The following ACTN1 variants were observed in gnomAD, a reference collection of about 807,000 sequenced individuals.
ACTN1 encodes alpha-actinin-1.
In ACTN1, 30 loss-of-function variants were observed where a neutral mutation model predicts 119.6. That is an observed-to-expected ratio of 0.25 (90% CI 0.19 to 0.34). The LOEUF is 0.34. Among genes scored for constraint, ACTN1 ranks in the 10% least tolerant of loss-of-function variants. The pLI is 1.00. For missense variants in ACTN1, 764 were observed against 1,223.4 expected, an observed-to-expected ratio of 0.62 and a Z score of 5.60; for synonymous variants, 429 against 472.6, an observed-to-expected ratio of 0.91 and a Z score of 1.20.
intron 3 of ACTN1, among the ~76,000 whole-genome samples, chr14:68,917,293 G>A (rs950110862): frequency 2.9e-4 from 44 of 152,114 alleles, no homozygotes; most frequent in African/African-American, 8.7e-4. Flanking sequence ...CCAGAGCCCC[G>A]GCTCCATTTC....
chr14:68,902,740 G>C (rs955517295), intron 7 of ACTN1, among the ~76,000 whole-genome samples, 178 bp from the exon 8 acceptor site: 2 of 152,168 alleles, frequency 1.3e-5, no homozygotes, highest in Admixed American at 1.3e-4. Context: ...AGGAACAGGT[G>C]AAATGAAGCC....
intron 1 of ACTN1, among the ~76,000 whole-genome samples, chr14:68,944,546 C>T (rs2035868452): frequency 6.6e-6 from 1 of 152,134 alleles, no homozygotes; most frequent in African/African-American, 2.4e-5. Context: ...ATGGAGAAGA[C>T]AAACAATAAG....
intron 1 of ACTN1, among the ~76,000 whole-genome samples, chr14:68,951,968 C>T (rs1192060519): frequency 1.3e-5 from 2 of 152,242 alleles, no homozygotes; most frequent in Admixed American, 6.5e-5. Context: ...AGATCTTTCA[C>T]CCTACTCCCT....
At chr14:68,943,479 C>T (rs1434485740) in intron 1 of ACTN1, among the ~76,000 whole-genome samples, 2 of 152,132 alleles carry the variant, frequency 1.3e-5, no homozygotes, top group African/African-American at 4.8e-5. Context: ...CTAGGCTTCA[C>T]TTCAGACACT....
At chr14:68,900,462 C>T (rs1015483747) in intron 8 of ACTN1, among the ~76,000 whole-genome samples, 1 of 151,502 alleles carries the variant, frequency 6.6e-6, no homozygotes, top group African/African-American at 2.4e-5. Flanking sequence ...GCTAAATTTG[C>T]GAGGGTGGCC....
At chr14:68,938,313 T>C (rs1372305055) in intron 1 of ACTN1, among the ~76,000 whole-genome samples, 1 of 152,120 alleles carries the variant, frequency 6.6e-6, no homozygotes, top group African/African-American at 2.4e-5. Flanking sequence ...CCCCAGGACA[T>C]GTGAGTGCTG....
Position 68,888,925 on chromosome 14 carries a change from G to A in ACTN1, c.1234+1214C>T, listed in dbSNP as rs569198713. Among the ~76,000 whole-genome samples the A allele has an allele frequency of 5.3e-5, 8 of 152,270 alleles. No homozygotes were observed. The East Asian group carries it at 9.6e-4, about 18-fold the overall frequency. ...CCCGGTACCAACAAGGCTGGGGACC[G>A]CTGCCCTACACCAAGCCAAGCCACT... On this transcript the variant is annotated intron_variant, in intron 11 of 21. Transcript: ENST00000394419.
At chr14:68,902,028 G>C (rs1007520873) in intron 8 of ACTN1, among the ~76,000 whole-genome samples, 2 of 152,248 alleles carry the variant, frequency 1.3e-5, no homozygotes, top group Non-Finnish European at 2.9e-5. Flanking sequence ...GGGGCTTTAT[G>C]ATGCCTTTGC....
In ACTN1 at chr14:68,885,480, G is replaced by A. The variant is rs377124389; in HGVS notation, c.1330C>T (p.Leu444=). 1.2e-6 allele frequency: 2 copies of A among 1,613,986 alleles called. No individual in the cohort carries two copies. The highest frequency in any genetic ancestry group is 2.7e-5 in the African/African-American group (2 of 74,926). ...LKKHEAFESD[L]AAHQDRVEQI... is the part of the protein sequence containing the mutation. ...TCCACACGGTCCTGGTGGGCAGCCAGGTCACTCTCGAAGGCCTCATGCTTC... is the reference window on the plus strand; with the variant it reads ...TCCACACGGTCCTGGTGGGCAGCCAAGTCACTCTCGAAGGCCTCATGCTTC... Residue 444 remains leucine, a synonymous_variant, in exon 12 of 22, where the codon CTG becomes TTG. Transcript: ENST00000394419. This position sits in a 1 kb window ranked among gnomAD's most constrained non-coding sequence, Gnocchi z 5.6.
At chr14:68,888,376 C>T (rs916502928) in intron 11 of ACTN1, 2 of 264,794 alleles carry the variant, frequency 7.6e-6, no homozygotes, top group Admixed American at 1.0e-4. Context: ...TGGCTGTGAG[C>T]TGGACCCGAC....
At chr14:68,950,479 A>ATATATATATATATATAT (rs1566667536) in intron 1 of ACTN1, among the ~76,000 whole-genome samples, 6 of 92,640 alleles carry the variant, frequency 6.5e-5, no homozygotes, top group African/African-American at 4.7e-4. Flanking sequence ...TATATATATA[A>ATATATATATATATATAT]ATCAAACATA....
chr14:68,975,901 T>C (rs2037043866), intron 1 of ACTN1, among the ~76,000 whole-genome samples: 1 of 152,142 alleles, frequency 6.6e-6, no homozygotes, highest in Non-Finnish European at 1.5e-5. Context: ...TGCCTCCACA[T>C]CAGGCCATAC....
At chr14:68,976,643 T>A (rs1400662278) in intron 1 of ACTN1, among the ~76,000 whole-genome samples, 1 of 152,208 alleles carries the variant, frequency 6.6e-6, no homozygotes, top group African/African-American at 2.4e-5. Flanking sequence ...TGGCTCTGGC[T>A]GCGAGGCCCA....
intron 11 of ACTN1, chr14:68,888,187 G>C: frequency 2.1e-6 from 1 of 471,014 alleles, no homozygotes; most frequent in Non-Finnish European, 3.9e-6. Context: ...TCACGCCCAG[G>C]ATAGATTCTT....
At position 68,934,957 on chromosome 14, in the gene ACTN1, TAACTG is replaced by T. The variant is rs141513776; in HGVS notation, c.106-9290_106-9286del. Among the ~76,000 whole-genome samples the T allele has an allele frequency of 1.8e-4, 28 of 152,300 alleles. No individual in the cohort carries two copies. In the East Asian group the frequency reaches 5.4e-3, roughly 29 times the overall value. ...AATGCTAACAGGGCTTGCACTCCAG[TAACTG>T]AACTGATTAGGATTTTTTGCTGTTT... On this transcript the variant is annotated intron_variant, in intron 1 of 21. Transcript: ENST00000394419.
At chr14:68,976,920 G>C (rs1478805497) in intron 1 of ACTN1, among the ~76,000 whole-genome samples, 1 of 152,200 alleles carries the variant, frequency 6.6e-6, no homozygotes, top group African/African-American at 2.4e-5. Context: ...CACACCCACT[G>C]CCACCCAGGT....
At position 68,882,678 on chromosome 14, in the gene ACTN1, G is replaced by A. The variant is rs2031660410; in HGVS notation, c.1819-86C>T. On this transcript the variant is annotated intron_variant, in intron 15 of 21. Coordinates refer to ENST00000394419, the MANE Select transcript of ACTN1 (RefSeq NM_001130004.2). This position sits in a 1 kb window ranked among gnomAD's most constrained non-coding sequence, Gnocchi z 4.5. ...TGAGGAAATGGAGGACCCAGAAGGG[G>A]AAGGGCCGGTCAGTAACAGAACAGG... 1.3e-6 allele frequency: 2 copies of A among 1,584,336 alleles called. No homozygotes were observed. Among genetic ancestry groups the A allele is most frequent in the Middle Eastern group, 1.7e-4 (1 of 5,978 alleles).
intron 1 of ACTN1, among the ~76,000 whole-genome samples, chr14:68,960,544 C>A (rs1039333432): frequency 7.2e-5 from 11 of 152,018 alleles, no homozygotes; most frequent in African/African-American, 2.7e-4. Flanking sequence ...TAAAAACTAA[C>A]CTCTTTTAAC....
At chr14:68,883,680 C>T (rs1287341843) in intron 14 of ACTN1, among the ~76,000 whole-genome samples, 1 of 152,072 alleles carries the variant, frequency 6.6e-6, no homozygotes, top group Non-Finnish European at 1.5e-5. Context: ...AGGGAGGCTG[C>T]AGCAGGAGGA....
Sources: gnomAD v4.1 joint callset for allele counts (sites outside exome capture counted in the v4.1 genomes callset) on GRCh38, gnomAD v4.1.1 for gene constraint, Gnocchi (gnomAD v3.1) non-coding constraint, MANE v1.5 for transcripts, NCBI Gene and HGNC (gene_info 2026-07-23, HGNC 2026-07-21) for gene names.